The following CCPG1 variants were observed in gnomAD, a reference collection of about 807,000 sequenced individuals.
CCPG1 encodes cell cycle progression 1, also known as cell cycle progression protein 1.
CCPG1 carries 46 observed loss-of-function variants against 81.3 expected under a neutral mutation model. That is an observed-to-expected ratio of 0.57 (90% CI 0.45 to 0.72). The LOEUF (loss-of-function observed/expected upper bound fraction) is 0.72, where lower values mean the gene tolerates loss of function less well. Among genes scored for constraint, CCPG1 ranks in the 30% least tolerant of loss-of-function variants. The pLI, the probability that CCPG1 is intolerant of heterozygous loss-of-function variation, is 0.00. For missense variants in CCPG1, 902 were observed against 937.6 expected, an observed-to-expected ratio of 0.96 and a Z score of 0.50; for synonymous variants, 330 against 305.2, an observed-to-expected ratio of 1.08 and a Z score of -0.85.
At chr15:55,405,927 T>A (rs1023940691) in intron 1 of CCPG1, among the ~76,000 whole-genome samples, 1 of 152,164 alleles carries the variant, frequency 6.6e-6, no homozygotes, top group Non-Finnish European at 1.5e-5. Context: ...TACAGTGGCA[T>A]GATCTCGGCT....
At chr15:55,407,046 C>CCCCGCA (rs2057245846) in intron 1 of CCPG1, among the ~76,000 whole-genome samples, 1 of 136,270 alleles carries the variant, frequency 7.3e-6, no homozygotes, top group African/African-American at 3.4e-5. Flanking sequence ...GACCCCCCCC[C>CCCCGCA]CCGCCCCGCC....
At position 55,360,205 on chromosome 15, in the gene CCPG1, T is replaced by C. The variant is rs190287946; in HGVS notation, c.1568A>G (p.Lys523Arg). The change falls in exon 8 of 9, where the codon AAA becomes AGA. Residue 523 changes from lysine (K) to arginine (R), a missense_variant. Physicochemically the swap from Lys to Arg is conservative, Grantham distance 26. Coordinates refer to ENST00000442196, the MANE Select transcript of CCPG1 (RefSeq NM_001204450.2). ...GGATTTAACTGAATCTGAGAATTTT[T>C]TCAGATTTTCCTTCACAGCTTCTTT... is the stretch of plus-strand genomic sequence containing the variant. ...QAKEAVKENL[K>R]KFSDSVKSTF... 330 of 1,613,530 alleles carry C rather than the reference T, an allele frequency of 2.0e-4. No individual in the cohort carries two copies. In the African/African-American group the frequency reaches 3.7e-3, roughly 18 times the overall value.
At chr15:55,372,409 C>G (rs1481442828) in intron 5 of CCPG1, 1 of 235,622 alleles carries the variant, frequency 4.2e-6, no homozygotes, top group Admixed American at 5.2e-5. Flanking sequence ...GCCTGTAATC[C>G]CAGCACTTTG....
chr15:55,402,303 C>T (rs1160990459), intron 1 of CCPG1, among the ~76,000 whole-genome samples: 1 of 152,178 alleles, frequency 6.6e-6, no homozygotes, highest in Non-Finnish European at 1.5e-5. Context: ...TCACAGCTCA[C>T]TGTAACCTCA....
intron 6 of CCPG1, 107 bp downstream of exon 6, chr15:55,371,686 G>A: frequency 8.6e-7 from 1 of 1,164,044 alleles, no homozygotes; most frequent in Non-Finnish European, 1.2e-6. Context: ...AGTTTTCAAG[G>A]CCACACATTT....
intron 1 of CCPG1, 128 bp from the exon 2 acceptor site, chr15:55,389,561 T>A (rs899725831): frequency 1.5e-6 from 1 of 686,226 alleles, no homozygotes; most frequent in South Asian, 1.7e-5. Flanking sequence ...AAGCCACCCA[T>A]AGATTTACCA....
rs1595818053 is a variant in CCPG1, at chr15:55,359,850, C to A, written c.1923G>T (p.Met641Ile). 1 of 1,613,640 alleles carries A rather than the reference C, an allele frequency of 6.2e-7. No individual in the cohort carries two copies. The highest frequency in any genetic ancestry group is 2.2e-5 in the East Asian group (1 of 44,842). ...GVFDCAQQES[M>I]SLFNTVVNPI... ...GATTCACCACTGTGTTAAAAAGGCT[C>A]ATGGACTCTTGTTGAGCACAATCAA... Residue 641 changes from methionine to isoleucine, a missense_variant, in exon 8 of 9, where the codon ATG becomes ATT. Met to Ile is a conservative substitution (Grantham distance 10). Transcript: ENST00000442196.
chr15:55,358,629 T>C (rs1347630190), intron 8 of CCPG1: 2 of 985,290 alleles, frequency 2.0e-6, no homozygotes, highest in South Asian at 4.7e-5. Context: ...CTAAGTTCAG[T>C]TCAAAGGCCA....
rs1450137271 is a variant in CCPG1 at position 55,356,394 on chromosome 15, C to T, written c.2250G>A (p.Lys750=). ...AGTTTTCAATATTTACCATACGTTG[C>T]TTTTTATCAGGTCGACTGAAAGCAG... ...PPYGPSRPDK[K]QRMVNIENSR... is the part of the protein sequence containing the mutation. The change falls in exon 9 of 9, where the codon AAG becomes AAA. Residue 750 remains lysine (K), a synonymous_variant. Coordinates refer to ENST00000442196, the MANE Select transcript of CCPG1 (RefSeq NM_001204450.2). 6.5e-7 allele frequency: 1 copy of T among 1,530,302 alleles called. No homozygotes were observed. The highest frequency in any genetic ancestry group is 2.0e-5 in the Admixed American group (1 of 49,012). The allele number at this position is 1,530,302 out of a possible 1,614,324, so 94.8% of individuals were successfully genotyped here.
chr15:55,389,576 G>A (rs1239130225), intron 1 of CCPG1, 143 bp from the exon 2 acceptor site: 3 of 661,584 alleles, frequency 4.5e-6, no homozygotes, highest in Admixed American at 4.8e-5. Context: ...TTACCATACA[G>A]AACATGACAG....
At chr15:55,370,499 A>G (rs1170076687) in intron 6 of CCPG1, among the ~76,000 whole-genome samples, 1 of 152,192 alleles carries the variant, frequency 6.6e-6, no homozygotes. Flanking sequence ...TACCTTAAAT[A>G]AGAGACTCAG....
intron 7 of CCPG1, among the ~76,000 whole-genome samples, chr15:55,362,517 T>C (rs1374043407): frequency 5.3e-5 from 8 of 152,186 alleles, no homozygotes; most frequent in African/African-American, 2.4e-5. Flanking sequence ...AAATTTCTTC[T>C]ACCCAACAGC....
intron 2 of CCPG1, among the ~76,000 whole-genome samples, chr15:55,389,085 A>C (rs2056862540): frequency 6.6e-6 from 1 of 151,154 alleles, no homozygotes; most frequent in East Asian, 1.9e-4. Context: ...AAAAAAAAAA[A>C]AAAAGACAAA....
At chr15:55,406,267 A>C (rs1345957868) in intron 1 of CCPG1, among the ~76,000 whole-genome samples, 1 of 151,882 alleles carries the variant, frequency 6.6e-6, no homozygotes, top group Non-Finnish European at 1.5e-5. Context: ...AAAGTGAAAA[A>C]AATGATATAG....
intron 1 of CCPG1, among the ~76,000 whole-genome samples, chr15:55,405,001 G>A (rs1489847208): frequency 2.0e-5 from 3 of 151,956 alleles, no homozygotes; most frequent in African/African-American, 7.2e-5. Context: ...AAGGCGGACA[G>A]ATCACTTGAG....
At chr15:55,369,315 C>T (rs2056399289) in intron 6 of CCPG1, among the ~76,000 whole-genome samples, 1 of 152,072 alleles carries the variant, frequency 6.6e-6, no homozygotes, top group African/African-American at 2.4e-5. Context: ...GTGGACAGAT[C>T]ACCTGAGGTC....
chr15:55,378,602 T>G (rs928520720), intron 3 of CCPG1, among the ~76,000 whole-genome samples: 13 of 144,040 alleles, frequency 9.0e-5, no homozygotes, highest in African/African-American at 3.2e-4. Context: ...TGCAATCATT[T>G]AAGATTTTTT....
intron 1 of CCPG1, among the ~76,000 whole-genome samples, chr15:55,403,663 A>G (rs2057166274): frequency 6.6e-6 from 1 of 152,222 alleles, no homozygotes; most frequent in Admixed American, 6.5e-5. Context: ...TACATTGCAA[A>G]TGACCTTTGA....
In CCPG1 at chr15:55,360,949, A is replaced by AT. The variant is rs144978590; in HGVS notation, c.829-6dup. On this transcript the variant is annotated splice_polypyrimidine_tract_variant and splice_region_variant and intron_variant, in intron 7 of 8. Coordinates refer to ENST00000442196, the MANE Select transcript of CCPG1 (RefSeq NM_001204450.2). ...TGCAAGATTTTCTTTCAATGACTAC[A>AT]TTTTTTTTTGAAAGAGAAGAAATAA... is the stretch of plus-strand genomic sequence containing the variant. The AT allele has an allele frequency of 3.4e-4, 498 of 1,479,018 alleles. 1 individual carries two copies. Among genetic ancestry groups the AT allele is most frequent in the South Asian group, 1.8e-3 (134 of 72,728 alleles). The allele number at this position is 1,479,018 out of a possible 1,614,324, so 91.6% of individuals were successfully genotyped here.
Sources: allele counts gnomAD v4.1 joint callset (sites outside exome capture counted in the v4.1 genomes callset), GRCh38; gene constraint gnomAD v4.1.1; transcripts MANE v1.5; gene names NCBI Gene and HGNC (gene_info 2026-07-23, HGNC 2026-07-21).